Variants in CEP112 observed in about 807,000 individuals in gnomAD.
CEP112 encodes centrosomal protein of 112 kDa.
In CEP112, 127 loss-of-function variants were observed where a neutral mutation model predicts 153.0. The observed-to-expected ratio is 0.83, with a 90% CI of 0.72 to 0.96. The LOEUF (loss-of-function observed/expected upper bound fraction) is 0.96. Among genes scored for constraint, CEP112 ranks in the 40% least tolerant of loss-of-function variants. The pLI is 0.00. For synonymous variants in CEP112, 358 were observed against 374.4 expected, an observed-to-expected ratio of 0.96 and a Z score of 0.51; for missense variants, 1,089 against 1,101.2, an observed-to-expected ratio of 0.99 and a Z score of 0.16.
In CEP112 at chr17:65,851,983, T is replaced by C. The variant is rs1207187510; in HGVS notation, c.2215A>G (p.Asn739Asp). The C allele has an allele frequency of 1.2e-6, 2 of 1,613,750 alleles. No individual in the cohort carries two copies. The highest frequency in any genetic ancestry group is 4.5e-5 in the East Asian group (2 of 44,886). The change falls in exon 21 of 27, where the codon AAT becomes GAT. Residue 739 changes from asparagine to aspartate, a missense_variant. Coordinates refer to ENST00000535342, the MANE Select transcript of CEP112 (RefSeq NM_001199165.4). ...TGCTGTTTCCGCTGTGAGTTCACAT[T>C]GATCAATTCTTCTCTCAACTTGTGA... is the stretch of plus-strand genomic sequence containing the variant. ...QVHKLREELI[N>D]VNSQRKQQLV...
intron 24 of CEP112, among the ~76,000 whole-genome samples, chr17:65,671,608 G>C (rs1436434293): frequency 6.6e-6 from 1 of 152,088 alleles, no homozygotes; most frequent in African/African-American, 2.4e-5. Context: ...ATATATATGT[G>C]TGTGTATGTA....
intron 25 of CEP112, among the ~76,000 whole-genome samples, chr17:65,638,733 T>C (rs2044920214): frequency 6.6e-6 from 1 of 152,176 alleles, no homozygotes; most frequent in African/African-American, 2.4e-5. Context: ...TTGCTCACTG[T>C]ATGGCCTGTG....
At chr17:65,918,347 T>C (rs2060573267) in intron 19 of CEP112, among the ~76,000 whole-genome samples, 1 of 152,220 alleles carries the variant, frequency 6.6e-6, no homozygotes, top group African/African-American at 2.4e-5. Context: ...CCTACTTGCT[T>C]ATCTTGCAGA....
intron 20 of CEP112, among the ~76,000 whole-genome samples, chr17:65,901,692 A>C (rs2059856320): frequency 1.3e-5 from 2 of 152,096 alleles, no homozygotes; most frequent in Admixed American, 6.6e-5. Flanking sequence ...TGAGTGATCT[A>C]ATCAAATATA....
At chr17:65,669,551 T>C (rs545591703) in intron 24 of CEP112, among the ~76,000 whole-genome samples, 17 of 152,194 alleles carry the variant, frequency 1.1e-4, no homozygotes, top group African/African-American at 3.9e-4. Context: ...GATTATTTAC[T>C]GTATGGGGAA....
intron 24 of CEP112, among the ~76,000 whole-genome samples, chr17:65,671,591 A>G (rs2046983657): frequency 6.6e-6 from 1 of 152,246 alleles, no homozygotes; most frequent in South Asian, 2.1e-4. Context: ...ATACACCAAC[A>G]CACAACATAT....
At chr17:65,923,652 T>C (rs2060813756) in intron 19 of CEP112, among the ~76,000 whole-genome samples, 1 of 152,224 alleles carries the variant, frequency 6.6e-6, no homozygotes, top group South Asian at 2.1e-4. Context: ...GCATAACATA[T>C]GATCATTATG....
intron 12 of CEP112, among the ~76,000 whole-genome samples, chr17:66,030,392 C>T (rs1568403975): frequency 6.6e-6 from 1 of 152,104 alleles, no homozygotes; most frequent in Non-Finnish European, 1.5e-5. Context: ...GACTACTTAC[C>T]AGTGATCTTT....
intron 24 of CEP112, among the ~76,000 whole-genome samples, chr17:65,649,597 C>T (rs1020172249): frequency 1.3e-5 from 2 of 151,336 alleles, no homozygotes; most frequent in South Asian, 2.1e-4. Context: ...CATGCATCTG[C>T]GGTCCCAGCT....
chr17:65,969,784 T>C (rs1404696131), intron 17 of CEP112, among the ~76,000 whole-genome samples: 2 of 152,196 alleles, frequency 1.3e-5, no homozygotes, highest in African/African-American at 4.8e-5. Context: ...TAGATGCATA[T>C]TACATGCATG....
Position 65,750,645 on chromosome 17 carries a change from C to T in CEP112, c.2457+17G>A. ...GTTTTGGTTTTACCCTGTTTTGTGT[C>T]TTTTAATGTTGCTTACCTGTGAAGA... On this transcript the variant is annotated intron_variant, in intron 22 of 26. Transcript: ENST00000535342. 6.2e-7 allele frequency: 1 copy of T among 1,611,554 alleles called. No homozygotes were observed. The highest frequency in any genetic ancestry group is 1.1e-5 in the South Asian group (1 of 91,014).
intron 17 of CEP112, among the ~76,000 whole-genome samples, chr17:65,974,953 TAAA>T (rs34325518): frequency 0.49 from 72,140 of 147,284 alleles, 18,134 homozygotes; most frequent in East Asian, 0.89. Context: ...TTTTATTTAC[TAAA>T]AAAAAAAAAA....
Position 66,176,986 on chromosome 17 carries a change from C to G in CEP112, c.141G>C (p.Leu47=), listed in dbSNP as rs974215178. Residue 47 remains leucine, a synonymous_variant, in exon 3 of 27, where the codon CTG becomes CTC. Transcript: ENST00000535342. ...CTGCACCTGTTCCTGAAGGTTCGCA[C>G]AGCTTTCTAATCCAAAGAGCACACC... ...RQRCALWIRK[L]CEPSGTGAGI... The G allele has an allele frequency of 1.9e-6, 3 of 1,613,330 alleles. No individual in the cohort carries two copies. The highest frequency in any genetic ancestry group is 3.3e-5 in the Admixed American group (2 of 59,904).
chr17:66,090,416 A>G (rs2068089990), intron 8 of CEP112, among the ~76,000 whole-genome samples: 1 of 152,128 alleles, frequency 6.6e-6, no homozygotes, highest in African/African-American at 2.4e-5. Flanking sequence ...TCATCAAAAA[A>G]TGAAACAGAG....
chr17:66,150,848 C>G (rs1186713305), intron 4 of CEP112, among the ~76,000 whole-genome samples: 1 of 152,048 alleles, frequency 6.6e-6, no homozygotes, highest in Non-Finnish European at 1.5e-5. Context: ...TTAGTTTTTG[C>G]TTCATGTATT....
chr17:65,798,886 G>A (rs770572159), intron 21 of CEP112, among the ~76,000 whole-genome samples: 23 of 152,218 alleles, frequency 1.5e-4, no homozygotes, highest in African/African-American at 1.9e-4. Flanking sequence ...AATTTGTTCC[G>A]GAGTGCTTTA....
intron 16 of CEP112, among the ~76,000 whole-genome samples, chr17:66,021,536 G>A (rs1280276952): frequency 1.3e-5 from 2 of 152,202 alleles, no homozygotes; most frequent in Non-Finnish European, 2.9e-5. Flanking sequence ...TCCCTTGCTT[G>A]GAATAGGGGT....
intron 1 of CEP112, among the ~76,000 whole-genome samples, chr17:66,183,728 G>T (rs1024587370): frequency 6.6e-6 from 1 of 151,472 alleles, no homozygotes; most frequent in African/African-American, 2.4e-5. Context: ...AGAAATGACA[G>T]TTATTACAAC....
At chr17:65,788,689 T>C (rs2054417323) in intron 21 of CEP112, among the ~76,000 whole-genome samples, 1 of 152,206 alleles carries the variant, frequency 6.6e-6, no homozygotes. Flanking sequence ...TTAAATTATC[T>C]TTTCTATGTT....
Sources: gnomAD v4.1 joint callset for allele counts (sites outside exome capture counted in the v4.1 genomes callset) on GRCh38, gnomAD v4.1.1 for gene constraint, MANE v1.5 for transcripts, NCBI Gene and HGNC (gene_info 2026-07-23, HGNC 2026-07-21) for gene names.